Variants in NEK1 observed in about 807,000 individuals in gnomAD.
NEK1 encodes the protein serine/threonine-protein kinase Nek1.
NEK1 carries 137 observed loss-of-function variants against 182.1 expected under a neutral mutation model. The ratio of observed to expected loss-of-function variants is 0.75; its 90% CI spans 0.65 to 0.87. The LOEUF (loss-of-function observed/expected upper bound fraction) is 0.87. Ranked by LOEUF, NEK1 falls within the 40% of genes least tolerant of loss-of-function variation. The pLI, the probability that NEK1 is intolerant of heterozygous loss-of-function variation, is 0.00. For synonymous variants in NEK1, 513 were observed against 492.2 expected (o/e 1.04, Z -0.56); for missense variants, 1,391 against 1,494.4 (o/e 0.93, Z 1.14).
At chr4:169,418,267 G>C (rs973595020) in intron 31 of NEK1, among the ~76,000 whole-genome samples, 13 of 152,144 alleles carry the variant, frequency 8.5e-5, no homozygotes, top group African/African-American at 2.2e-4. Context: ...AAGTTTAAAA[G>C]TGTAAAATAG....
At chr4:169,498,165 CTTCT>C (rs1459335859) in intron 23 of NEK1, among the ~76,000 whole-genome samples, 1 of 152,136 alleles carries the variant, frequency 6.6e-6, no homozygotes, top group Non-Finnish European at 1.5e-5. Flanking sequence ...ATGTAATGGC[CTTCT>C]TTGTCTCTTT....
chr4:169,397,517 G>C (rs1174400783), intron 35 of NEK1, among the ~76,000 whole-genome samples: 1 of 152,046 alleles, frequency 6.6e-6, no homozygotes, highest in Non-Finnish European at 1.5e-5. Context: ...TGCTGTAATG[G>C]TATGTACTAA....
intron 23 of NEK1, among the ~76,000 whole-genome samples, chr4:169,490,027 T>C (rs1749768504): frequency 6.6e-6 from 1 of 151,972 alleles, no homozygotes; most frequent in Non-Finnish European, 1.5e-5. Flanking sequence ...ACAAGAAGGA[T>C]TTCCCCAACA....
At chr4:169,590,989 T>A (rs1269675071) in intron 5 of NEK1, among the ~76,000 whole-genome samples, 180 bp from the exon 6 acceptor site, 1 of 152,110 alleles carries the variant, frequency 6.6e-6, no homozygotes, top group African/African-American at 2.4e-5. Context: ...ACATACTAAA[T>A]CCAAAATGTA....
chr4:169,430,533 T>C (rs1383320483), intron 29 of NEK1, among the ~76,000 whole-genome samples: 1 of 152,114 alleles, frequency 6.6e-6, no homozygotes, highest in Non-Finnish European at 1.5e-5. Flanking sequence ...TATAACTAGA[T>C]GACATTCTGG....
chr4:169,413,930 T>C (rs2111200216), intron 31 of NEK1, among the ~76,000 whole-genome samples: 1 of 152,242 alleles, frequency 6.6e-6, no homozygotes, highest in African/African-American at 2.4e-5. Context: ...GGCAGAAGAA[T>C]CACCTGAACC....
At chr4:169,410,053 A>C (rs898789467) in intron 31 of NEK1, among the ~76,000 whole-genome samples, 1 of 152,206 alleles carries the variant, frequency 6.6e-6, no homozygotes, top group African/African-American at 2.4e-5. Flanking sequence ...TTTATAAAAG[A>C]ACACTTTCAG....
rs779012657 is a variant in NEK1, at chr4:169,401,740, A to C, written c.3495T>G (p.Asp1165Glu). 1.2e-6 allele frequency: 2 copies of C among 1,613,832 alleles called. No homozygotes were observed. Among genetic ancestry groups the C allele is most frequent in the African/African-American group, 2.7e-5 (2 of 74,934 alleles). Residue 1165 changes from aspartate to glutamate, a missense_variant, in exon 33 of 36, where the codon GAT becomes GAG. Transcript: ENST00000507142. Reference sequence around the variant, plus strand: ...CTGTCCCATTTGCAGTTGGCTCCACATCACTGTTCTTCAAGACTGACTCTT... The same window carrying C: ...CTGTCCCATTTGCAGTTGGCTCCACCTCACTGTTCTTCAAGACTGACTCTT... ...EEEESVLKNS[D>E]VEPTANGTDV...
chr4:169,601,991 C>T lies in NEK1; in HGVS notation c.214+17G>A, dbSNP rs749183483. 9.0e-6 allele frequency: 14 copies of T among 1,555,132 alleles called. No homozygotes were observed. Among genetic ancestry groups the T allele is most frequent in the East Asian group, 4.5e-5 (2 of 44,548 alleles). ...ATGTCTTAGGATTTTTTAACTCTCT[C>T]GCATAATTTATCTGACCTTCAAATG... On this transcript the variant is annotated intron_variant, in intron 4 of 35. Transcript: ENST00000507142.
At chr4:169,435,275 G>A (rs959582416) in intron 28 of NEK1, among the ~76,000 whole-genome samples, 5 of 151,940 alleles carry the variant, frequency 3.3e-5, no homozygotes, top group Non-Finnish European at 5.9e-5. Context: ...TTCTTATAAG[G>A]GCACCAATCC....
intron 31 of NEK1, 27 bp from the exon 32 acceptor site, chr4:169,406,774 A>AT: frequency 6.5e-7 from 1 of 1,535,878 alleles, no homozygotes; most frequent in Non-Finnish European, 8.8e-7. Flanking sequence ...CAAATTTCTT[A>AT]TTAGGAGAAA....
At chr4:169,531,084 T>G (rs57165556) in intron 19 of NEK1, among the ~76,000 whole-genome samples, 1,982 of 151,838 alleles carry the variant, frequency 0.013, 37 homozygotes, top group African/African-American at 0.045. Context: ...ATTTAAAGAC[T>G]GAGAAGAAAA....
intron 12 of NEK1, among the ~76,000 whole-genome samples, chr4:169,575,196 T>C (rs1409063740): frequency 6.6e-6 from 1 of 152,190 alleles, no homozygotes; most frequent in African/African-American, 2.4e-5. Flanking sequence ...CACTTAGGTT[T>C]GAATACATCT....
intron 4 of NEK1, among the ~76,000 whole-genome samples, chr4:169,600,587 C>T (rs1361222914): frequency 1.3e-5 from 2 of 151,950 alleles, no homozygotes; most frequent in Non-Finnish European, 2.9e-5. Flanking sequence ...TTGTAATGTG[C>T]CACTGGGATA....
chr4:169,463,257 G>A lies in NEK1; in HGVS notation c.2573C>T (p.Thr858Ile). ...LQLQTELLENTTIRSEISPEG... is the reference protein window; with the variant it reads ...LQLQTELLENITIRSEISPEG... ...TTTCTCCTTACCACTTCTAATAGTT[G>A]TATTTTCTAATAGTTCTGTCTGAAG... Residue 858 changes from threonine to isoleucine, a missense_variant, in exon 27 of 36, where the codon ACA becomes ATA. Physicochemically the swap from Thr to Ile is moderately conservative, Grantham distance 89 (BLOSUM62 -1). This residue lies in a region of NEK1 where 1,216 missense variants were observed against 1,277.6 expected (regional missense o/e 0.95). Transcript: ENST00000507142. 6.4e-7 allele frequency: 1 copy of A among 1,563,446 alleles called. No homozygotes were observed. The highest frequency in any genetic ancestry group is 8.7e-7 in the Non-Finnish European group (1 of 1,155,556).
At chr4:169,405,464 G>C (rs1418773005) in intron 32 of NEK1, among the ~76,000 whole-genome samples, 1 of 152,120 alleles carries the variant, frequency 6.6e-6, no homozygotes, top group Non-Finnish European at 1.5e-5. Context: ...TATATGCTTA[G>C]GCTACACTAA....
intron 23 of NEK1, among the ~76,000 whole-genome samples, chr4:169,497,273 C>T (rs867349265): frequency 3.2e-3 from 492 of 152,092 alleles, no homozygotes; most frequent in Middle Eastern, 0.01. Flanking sequence ...TTTTTTATTG[C>T]ATCTATTTGA....
Position 169,604,329 on chromosome 4 carries a change from A to G in NEK1, c.-48-1651T>C, listed in dbSNP as rs562523245. Among the ~76,000 whole-genome samples the G allele has an allele frequency of 4.5e-4, 69 of 152,374 alleles. 1 individual carries two copies. The South Asian group carries it at 0.013, about 29-fold the overall frequency. On this transcript the variant is annotated intron_variant, in intron 2 of 35. Coordinates refer to ENST00000507142, the MANE Select transcript of NEK1 (RefSeq NM_001199397.3). ...TAGTTTCAGGAGAAGCCAGAATACAATAAGCTAGCTAGTGAAAGCTGAAAA... is the reference window on the plus strand; with the variant it reads ...TAGTTTCAGGAGAAGCCAGAATACAGTAAGCTAGCTAGTGAAAGCTGAAAA...
chr4:169,449,890 G>A (rs878895890), intron 27 of NEK1, among the ~76,000 whole-genome samples: 1 of 152,224 alleles, frequency 6.6e-6, no homozygotes, highest in East Asian at 1.9e-4. Context: ...CTAGCTGAAG[G>A]AGGATGTTTG....
Sources: gnomAD v4.1 joint callset for allele counts (sites outside exome capture counted in the v4.1 genomes callset) on GRCh38, gnomAD v4.1.1 for gene constraint, gnomAD v4.1.1 regional missense constraint, MANE v1.5 for transcripts, NCBI Gene and HGNC (gene_info 2026-07-23, HGNC 2026-07-21) for gene names.